Variants in KIF2A observed in about 807,000 individuals in gnomAD.
The protein encoded by KIF2A is kinesin-like protein KIF2A.
KIF2A carries 22 observed loss-of-function variants against 100.2 expected under a neutral mutation model. The ratio of observed to expected loss-of-function variants is 0.22; its 90% CI spans 0.16 to 0.31. The LOEUF (loss-of-function observed/expected upper bound fraction) is 0.31, where lower values mean the gene tolerates loss of function less well. KIF2A is among the 10% of genes least tolerant of loss of function. The probability of loss-of-function intolerance (pLI) is 1.00; values close to 1 mark genes in which losing one functional copy is unlikely to be tolerated. For synonymous variants in KIF2A, 268 were observed against 285.9 expected (o/e 0.94, Z 0.63); for missense variants, 495 against 898.7 (o/e 0.55, Z 5.74).
chr5:62,333,783 G>C (rs372509241), intron 1 of KIF2A, among the ~76,000 whole-genome samples: 2 of 152,202 alleles, frequency 1.3e-5, no homozygotes, highest in East Asian at 1.9e-4. Context: ...GTTTTGCCCA[G>C]CATCTGCATT....
chr5:62,367,519 G>A (rs745647595), intron 16 of KIF2A, among the ~76,000 whole-genome samples: 3 of 152,004 alleles, frequency 2.0e-5, no homozygotes, highest in Non-Finnish European at 4.4e-5. Context: ...CACCTGCCTC[G>A]GCCTCCCAAA....
At chr5:62,335,416 G>C (rs536583628) in intron 1 of KIF2A, among the ~76,000 whole-genome samples, 1 of 152,094 alleles carries the variant, frequency 6.6e-6, no homozygotes, top group African/African-American at 2.4e-5. Flanking sequence ...TAGTAGAGAC[G>C]CCACTCTGTC....
Position 62,377,647 on chromosome 5 carries a change from A to AT in KIF2A, c.1912-9dup. The AT allele has an allele frequency of 7.1e-7, 1 of 1,414,134 alleles. No individual in the cohort carries two copies. Among genetic ancestry groups the AT allele is most frequent in the Non-Finnish European group, 9.7e-7 (1 of 1,036,238 alleles). 87.6% of individuals were successfully genotyped at this position (1,414,134 alleles called of 1,614,324 possible). A position where few individuals can be genotyped will look rare whatever the true frequency, so the allele number is the denominator to read the frequency against. ...CACACTATATCATAATTTCTTAACT[A>AT]TTTTTATTTTAAGGAAGAAGAAGTC... is the stretch of plus-strand genomic sequence containing the variant. On this transcript the variant is annotated splice_polypyrimidine_tract_variant and intron_variant, in intron 18 of 20. Transcript: ENST00000407818.
At chr5:62,332,838 C>T (rs1279306055) in intron 1 of KIF2A, among the ~76,000 whole-genome samples, 1 of 152,130 alleles carries the variant, frequency 6.6e-6, no homozygotes, top group Non-Finnish European at 1.5e-5. Context: ...TCTTTTCTTC[C>T]AGTATAATTG....
At chr5:62,316,280 C>T (rs12515967) in intron 1 of KIF2A, among the ~76,000 whole-genome samples, 78,320 of 152,012 alleles carry the variant, frequency 0.52, 21,059 homozygotes, top group South Asian at 0.65. Flanking sequence ...ATTCTTGGAA[C>T]GGAATGAGAA....
chr5:62,318,319 G>C (rs1745931235), intron 1 of KIF2A, among the ~76,000 whole-genome samples: 1 of 152,106 alleles, frequency 6.6e-6, no homozygotes, highest in African/African-American at 2.4e-5. Flanking sequence ...CTGACCTCGT[G>C]ATCCGCCTGC....
chr5:62,373,896 T>C, intron 18 of KIF2A, 59 bp downstream of exon 18: 6 of 1,337,434 alleles, frequency 4.5e-6, no homozygotes, highest in Non-Finnish European at 6.4e-6. Flanking sequence ...GTAGCAGAAC[T>C]TAACTGAAAA....
intron 1 of KIF2A, among the ~76,000 whole-genome samples, chr5:62,319,014 G>T (rs1265281254): frequency 2.0e-5 from 3 of 151,972 alleles, no homozygotes; most frequent in East Asian, 1.9e-4. Context: ...TATTACCATG[G>T]TCTCTTAATT....
At chr5:62,313,440 C>T (rs563203340) in intron 1 of KIF2A, among the ~76,000 whole-genome samples, 3 of 151,204 alleles carry the variant, frequency 2.0e-5, no homozygotes, top group East Asian at 4.0e-4. Context: ...GCAACCTCTG[C>T]CTCTTGGGTT....
intron 18 of KIF2A, among the ~76,000 whole-genome samples, chr5:62,374,145 T>A (rs1741437777): frequency 6.6e-6 from 1 of 152,148 alleles, no homozygotes; most frequent in Admixed American, 6.5e-5. Context: ...ACAGGAATTC[T>A]GGGCTGTAGT....
chr5:62,331,597 AAAAC>A (rs1746652467), intron 1 of KIF2A, among the ~76,000 whole-genome samples: 1 of 152,148 alleles, frequency 6.6e-6, no homozygotes, highest in Admixed American at 6.5e-5. Flanking sequence ...CTCAAGAAAA[AAAAC>A]AAAATTATAA....
chr5:62,325,041 GCTTT>G (rs1328702228), intron 1 of KIF2A, among the ~76,000 whole-genome samples: 1 of 152,278 alleles, frequency 6.6e-6, no homozygotes, highest in Admixed American at 6.5e-5. Flanking sequence ...GGACACACTT[GCTTT>G]CTTAAGTCGC....
At chr5:62,306,593 G>A in intron 1 of KIF2A, 57 bp downstream of exon 1, 1 of 1,416,648 alleles carries the variant, frequency 7.1e-7, no homozygotes, top group Admixed American at 2.1e-5. Flanking sequence ...GGTGTGCACG[G>A]AGGGGACGCG....
intron 7 of KIF2A, 96 bp downstream of exon 7, chr5:62,355,350 A>G (rs903431637): frequency 2.6e-5 from 17 of 649,456 alleles, no homozygotes; most frequent in Admixed American, 1.4e-4. Context: ...TCAGCTATGT[A>G]GTTTTTCCTT....
Position 62,385,545 on chromosome 5 carries a change from C to G in KIF2A, c.2211C>G (p.Asn737Lys). The G allele has an allele frequency of 1.3e-6, 2 of 1,593,770 alleles. No homozygotes were observed. Among genetic ancestry groups the G allele is most frequent in the Admixed American group, 1.7e-5 (1 of 57,222 alleles). ...QEEEQASKQI[N>K]PKRPRAL Reference sequence around the variant, plus strand: ...AGGAACAAGCCAGCAAGCAAATCAACCCGAAGAGACCCCGTGCCCTTTAAA... The same window carrying G: ...AGGAACAAGCCAGCAAGCAAATCAAGCCGAAGAGACCCCGTGCCCTTTAAA... Residue 737 changes from asparagine (N) to lysine (K), a missense_variant, in exon 21 of 21, where the codon AAC (asparagine) becomes AAG (lysine). Transcript: ENST00000407818.
chr5:62,315,601 G>A (rs1270389158), intron 1 of KIF2A, among the ~76,000 whole-genome samples: 2 of 152,184 alleles, frequency 1.3e-5, no homozygotes, highest in Non-Finnish European at 2.9e-5. Context: ...GCTGTCAGGT[G>A]AAGGGCATTT....
At chr5:62,320,359 G>T (rs151318696) in intron 1 of KIF2A, among the ~76,000 whole-genome samples, 171 of 152,188 alleles carry the variant, frequency 1.1e-3, no homozygotes, top group African/African-American at 3.9e-3. Context: ...TATCTGTAGG[G>T]GAAAAAATCC....
chr5:62,344,567 A>C (rs1035425800), intron 1 of KIF2A, among the ~76,000 whole-genome samples: 8 of 152,170 alleles, frequency 5.3e-5, no homozygotes, highest in Non-Finnish European at 7.4e-5. Flanking sequence ...GAATGTATAC[A>C]AAGGGCGGTT....
At chr5:62,366,847 T>A (rs1242891687) in intron 16 of KIF2A, among the ~76,000 whole-genome samples, 1 of 150,026 alleles carries the variant, frequency 6.7e-6, no homozygotes, top group African/African-American at 2.5e-5. Flanking sequence ...AAAAAAAAAA[T>A]TAATATTTGA....
Sources: allele counts gnomAD v4.1 joint callset (sites outside exome capture counted in the v4.1 genomes callset), GRCh38; gene constraint gnomAD v4.1.1; transcripts MANE v1.5; gene names NCBI Gene and HGNC (gene_info 2026-07-23, HGNC 2026-07-21).